Variants in LRIG2 observed in about 807,000 individuals in gnomAD.
LRIG2 encodes leucine rich repeats and immunoglobulin like domains 2.
LRIG2 carries 93 observed loss-of-function variants against 107.8 expected under a neutral mutation model. The observed-to-expected ratio is 0.86, with a 90% CI of 0.73 to 1.03. The LOEUF is 1.03. Ranked by LOEUF, LRIG2 falls within the 50% of genes least tolerant of loss-of-function variation. The pLI is 0.00. For synonymous variants in LRIG2, 471 were observed against 470.6 expected, an observed-to-expected ratio of 1.00 and a Z score of -0.01; for missense variants, 1,226 against 1,296.0, an observed-to-expected ratio of 0.95 and a Z score of 0.83.
rs971042403 is a variant in LRIG2, at chr1:113,130,027, G to C, written c.*5926G>C. The C allele has an allele frequency of 6.6e-6, 1 of 152,078 alleles. No homozygotes were observed. The highest frequency in any genetic ancestry group is 1.5e-5 in the Non-Finnish European group (1 of 68,044). The allele number at this position is 152,078 out of a possible 1,614,324, so 9.4% of individuals were successfully genotyped here. On this transcript the variant is annotated 3_prime_UTR_variant, in exon 18 of 18. Transcript: ENST00000361127. ...TGATCCTCCCACCTCAACCACCTGA[G>C]TAGCTGTGCCACCACACCCGGCTAA...
intron 16 of LRIG2, 116 bp from the exon 17 acceptor site, chr1:113,119,117 A>G: frequency 1.1e-6 from 1 of 898,398 alleles, no homozygotes. Context: ...CTACTTTATA[A>G]AGTAAGTGCT....
chr1:113,087,074 TGAAGGCTGTA>T (rs1653587168), intron 1 of LRIG2, among the ~76,000 whole-genome samples: 1 of 152,056 alleles, frequency 6.6e-6, no homozygotes, highest in African/African-American at 2.4e-5. Flanking sequence ...GCCTGGGAGG[TGAAGGCTGTA>T]GTGAGGTGTG....
chr1:113,108,718 A>G (rs1352900591), intron 12 of LRIG2, among the ~76,000 whole-genome samples: 1 of 151,842 alleles, frequency 6.6e-6, no homozygotes, highest in Non-Finnish European at 1.5e-5. Flanking sequence ...CTCTACTAAA[A>G]ATACAAAAAT....
intron 11 of LRIG2, among the ~76,000 whole-genome samples, chr1:113,105,984 C>T (rs977023698): frequency 1.3e-5 from 2 of 152,134 alleles, no homozygotes; most frequent in East Asian, 3.8e-4. Context: ...AATCCCAGCA[C>T]TCTGGGAGGC....
At position 113,093,194 on chromosome 1, in the gene LRIG2, C is replaced by T; in HGVS notation, c.306-12C>T. On this transcript the variant is annotated splice_polypyrimidine_tract_variant and intron_variant, in intron 2 of 17. Coordinates refer to ENST00000361127, the MANE Select transcript of LRIG2 (RefSeq NM_014813.3). ...TCACTAAACATTTAAATCTGTTTTTCCTCTTGCCTAGGAAAATGAATTACA... is the reference window on the plus strand; with the variant it reads ...TCACTAAACATTTAAATCTGTTTTTTCTCTTGCCTAGGAAAATGAATTACA... 1 of 1,557,376 alleles carries T rather than the reference C, an allele frequency of 6.4e-7. No individual in the cohort carries two copies. The highest frequency in any genetic ancestry group is 2.3e-5 in the East Asian group (1 of 44,438).
chr1:113,106,850 T>TTA (rs1167842669), intron 11 of LRIG2, among the ~76,000 whole-genome samples: 3 of 152,170 alleles, frequency 2.0e-5, no homozygotes, highest in Non-Finnish European at 2.9e-5. Flanking sequence ...TTGACAATAA[T>TTA]TATATGTTGT....
chr1:113,085,618 A>G (rs1340616941), intron 1 of LRIG2, among the ~76,000 whole-genome samples: 1 of 152,186 alleles, frequency 6.6e-6, no homozygotes, highest in Non-Finnish European at 1.5e-5. Flanking sequence ...TTTATCCAAT[A>G]TAGCTAGCCA....
At position 113,093,188 on chromosome 1, in the gene LRIG2, G is replaced by C; in HGVS notation, c.306-18G>C. ...TTTCCCTCACTAAACATTTAAATCT[G>C]TTTTTCCTCTTGCCTAGGAAAATGA... On this transcript the variant is annotated intron_variant, in intron 2 of 17. Coordinates refer to ENST00000361127, the MANE Select transcript of LRIG2 (RefSeq NM_014813.3). 6.5e-7 allele frequency: 1 copy of C among 1,528,946 alleles called. No individual in the cohort carries two copies. The highest frequency in any genetic ancestry group is 1.2e-5 in the South Asian group (1 of 84,692). The allele number at this position is 1,528,946 out of a possible 1,614,324, so 94.7% of individuals were successfully genotyped here. A position where few individuals can be genotyped will look rare whatever the true frequency, so the allele number is the denominator to read the frequency against.
chr1:113,107,505 T>C (rs547119661), intron 11 of LRIG2, 89 bp from the exon 12 acceptor site: 5 of 1,186,052 alleles, frequency 4.2e-6, no homozygotes, highest in African/African-American at 1.6e-5. Context: ...GCAAGAATAA[T>C]GGATAGGTGT....
intron 2 of LRIG2, among the ~76,000 whole-genome samples, chr1:113,091,924 C>A (rs1348516953): frequency 6.6e-6 from 1 of 152,164 alleles, no homozygotes; most frequent in Non-Finnish European, 1.5e-5. Context: ...TGCATTGTTA[C>A]ATTCCTAGAG....
In LRIG2 at chr1:113,110,363, G is replaced by A. The variant is rs767092761; in HGVS notation, c.1599G>A (p.Trp533Ter). Residue 533 changes from tryptophan (W) to a stop codon, truncating the protein, a stop_gained, in exon 13 of 18, where the codon TGG (tryptophan) becomes TGA (stop). Coordinates refer to ENST00000361127, the MANE Select transcript of LRIG2 (RefSeq NM_014813.3). LOFTEE classifies it high-confidence loss of function. ...GTGATTCACCCATGTCCACTGTGTG[G>A]CGCAAAGACAGTGAAATCCTGTATG... is the stretch of plus-strand genomic sequence containing the variant. ...SSSDSPMSTV[W>*]RKDSEILYDV... is the part of the protein sequence containing the mutation. 1 of 1,614,138 alleles carries A rather than the reference G, an allele frequency of 6.2e-7. No homozygotes were observed. Among genetic ancestry groups the A allele is most frequent in the Non-Finnish European group, 8.5e-7 (1 of 1,180,010 alleles).
At chr1:113,090,365 G>A (rs551531110) in intron 1 of LRIG2, among the ~76,000 whole-genome samples, 118 of 152,210 alleles carry the variant, frequency 7.8e-4, no homozygotes, top group African/African-American at 2.7e-3. Flanking sequence ...TACACTTTTT[G>A]ATAATTGGAC....
chr1:113,082,615 G>A (rs1653338788), intron 1 of LRIG2, among the ~76,000 whole-genome samples: 1 of 151,898 alleles, frequency 6.6e-6, no homozygotes, highest in Non-Finnish European at 1.5e-5. Flanking sequence ...TAGGGGAGGT[G>A]TCACGCTATT....
intron 8 of LRIG2, among the ~76,000 whole-genome samples, chr1:113,098,294 T>C (rs1424258181): frequency 6.6e-6 from 1 of 152,196 alleles, no homozygotes; most frequent in Non-Finnish European, 1.5e-5. Flanking sequence ...GAGGAAGGCT[T>C]GGGTCACCCA....
intron 1 of LRIG2, among the ~76,000 whole-genome samples, chr1:113,083,864 GA>G (rs1653401449): frequency 1.0e-5 from 1 of 96,940 alleles, no homozygotes; most frequent in South Asian, 4.5e-4. Flanking sequence ...GGGGTGGGGG[GA>G]GGGGGGAGGG....
In LRIG2 at chr1:113,125,371, G is replaced by T. The variant is rs1175195370; in HGVS notation, c.*1270G>T. 6.6e-6 allele frequency: 1 copy of T among 151,988 alleles called. No individual in the cohort carries two copies. The highest frequency in any genetic ancestry group is 1.5e-5 in the Non-Finnish European group (1 of 67,980). The allele number at this position is 151,988 out of a possible 1,614,324, so 9.4% of individuals were successfully genotyped here. A position where few individuals can be genotyped will look rare whatever the true frequency, so the allele number is the denominator to read the frequency against. On this transcript the variant is annotated 3_prime_UTR_variant, in exon 18 of 18. Transcript: ENST00000361127. ...ACTCCCTTTCTAACATAAAAAGCTT[G>T]TTCTTTCAGAGCCTGGCAGTCCTGT...
rs1653911380 is a variant in LRIG2, at chr1:113,093,425, T to C, written c.381-5T>C. The stretch of plus-strand genomic sequence containing the variant: ...AGCAGCTTCATTATAATCTTTGTTT[T>C]ACAGAGTCCATAATATAATCCCAGA... On this transcript the variant is annotated splice_polypyrimidine_tract_variant and splice_region_variant and intron_variant, in intron 3 of 17. Coordinates refer to ENST00000361127, the MANE Select transcript of LRIG2 (RefSeq NM_014813.3). The C allele has an allele frequency of 2.5e-6, 4 of 1,613,820 alleles. No individual in the cohort carries two copies. The highest frequency in any genetic ancestry group is 1.7e-6 in the Non-Finnish European group (2 of 1,179,892).
intron 8 of LRIG2, among the ~76,000 whole-genome samples, chr1:113,098,284 G>T (rs1189383055): frequency 2.0e-5 from 3 of 152,186 alleles, no homozygotes; most frequent in Non-Finnish European, 2.9e-5. Context: ...CAAGGTCCCA[G>T]AGGAAGGCTT....
At chr1:113,090,952 A>G (rs1183861045) in intron 1 of LRIG2, among the ~76,000 whole-genome samples, 1 of 151,722 alleles carries the variant, frequency 6.6e-6, no homozygotes, top group East Asian at 2.0e-4. Context: ...CCCGGGTTCA[A>G]GTAATTCTCC....
Sources: gnomAD v4.1 joint callset for allele counts (sites outside exome capture counted in the v4.1 genomes callset) on GRCh38, gnomAD v4.1.1 for gene constraint, MANE v1.5 for transcripts, NCBI Gene and HGNC (gene_info 2026-07-23, HGNC 2026-07-21) for gene names.